MLIP: variants seen among roughly 807,000 people sequenced by gnomAD.
MLIP encodes the protein muscular LMNA interacting protein, also known as muscular LMNA-interacting protein.
In MLIP, 79 loss-of-function variants were observed where a neutral mutation model predicts 84.8. That is an observed-to-expected ratio of 0.93 (90% CI 0.78 to 1.12). The LOEUF is 1.12. Ranked by LOEUF, MLIP falls within the 50% of genes most tolerant of loss-of-function variation. The pLI is 0.00. For missense variants in MLIP, 1,257 were observed against 1,160.6 expected, an observed-to-expected ratio of 1.08 and a Z score of -1.21; for synonymous variants, 504 against 463.0, an observed-to-expected ratio of 1.09 and a Z score of -1.14.
intron 11 of MLIP, among the ~76,000 whole-genome samples, chr6:54,205,209 A>G (rs1778955387): frequency 6.6e-6 from 1 of 152,250 alleles, no homozygotes; most frequent in South Asian, 2.1e-4. Flanking sequence ...AATAAAATGT[A>G]TAATCTCAGC....
chr6:54,128,832 A>C (rs186358446), intron 3 of MLIP, among the ~76,000 whole-genome samples: 5 of 152,300 alleles, frequency 3.3e-5, no homozygotes, highest in Non-Finnish European at 5.9e-5. Context: ...ATTAAATGAG[A>C]TAATACATGT....
chr6:54,256,954 G>A (rs1783046967), intron 12 of MLIP, among the ~76,000 whole-genome samples: 2 of 152,006 alleles, frequency 1.3e-5, no homozygotes, highest in Admixed American at 1.3e-4. Context: ...GAGAGGTGAA[G>A]CATAAATTTA....
At chr6:54,142,375 G>A (rs1283451280) in intron 4 of MLIP, among the ~76,000 whole-genome samples, 1 of 152,160 alleles carries the variant, frequency 6.6e-6, no homozygotes, top group Admixed American at 6.6e-5. Context: ...TGATTCTCAA[G>A]GGAAATAGAG....
chr6:54,149,259 T>G (rs1285287683), intron 5 of MLIP, 132 bp downstream of exon 5: 2 of 787,346 alleles, frequency 2.5e-6, no homozygotes, highest in African/African-American at 3.5e-5. Context: ...ATTCTTAGTT[T>G]AGGATGATGT....
intron 1 of MLIP, among the ~76,000 whole-genome samples, chr6:54,097,415 A>T (rs1443610761): frequency 6.6e-6 from 1 of 152,198 alleles, no homozygotes; most frequent in Non-Finnish European, 1.5e-5. Context: ...TTACATAGCC[A>T]TACGTACTAG....
intron 3 of MLIP, among the ~76,000 whole-genome samples, chr6:54,128,394 A>G (rs1771102759): frequency 1.3e-5 from 2 of 152,196 alleles, no homozygotes; most frequent in African/African-American, 4.8e-5. Flanking sequence ...AAAAGCACCT[A>G]TGAAAAAAGA....
At chr6:54,230,223 G>T (rs982514215) in intron 11 of MLIP, among the ~76,000 whole-genome samples, 1 of 151,998 alleles carries the variant, frequency 6.6e-6, no homozygotes, top group Non-Finnish European at 1.5e-5. Flanking sequence ...GAAACTTATT[G>T]TGTCATGAAC....
chr6:54,192,872 G>A (rs553626893), intron 10 of MLIP, among the ~76,000 whole-genome samples: 1 of 152,164 alleles, frequency 6.6e-6, no homozygotes, highest in Non-Finnish European at 1.5e-5. Flanking sequence ...GGAGGTAAAT[G>A]TAGTAAATGT....
In MLIP at chr6:54,068,178, C is replaced by T. The variant is rs1449201731; in HGVS notation, c.63+49087C>T. Among the ~76,000 whole-genome samples the T allele has an allele frequency of 2.3e-5, 2 of 88,172 alleles. 1 individual carries two copies. Among genetic ancestry groups the T allele is most frequent in the African/African-American group, 5.5e-5 (2 of 36,394 alleles). 57.8% of individuals were successfully genotyped at this position (88,172 alleles called of 152,430 possible). A position where few individuals can be genotyped will look rare whatever the true frequency, so the allele number is the denominator to read the frequency against. On this transcript the variant is annotated intron_variant, in intron 1 of 12. Coordinates refer to the MLIP transcript ENST00000274897. ...TTTTGACTGAGTCTCCTTCCATCAC[C>T]CAGGCTGGAATACAGTGGCATAATC...
chr6:54,142,150 C>A lies in MLIP; in HGVS notation c.2217+3864C>A, dbSNP rs1402277678. Reference sequence around the variant, plus strand: ...ATAAAATAGTTAATCTGGGTTCAAGCAAATCAGTCATTCAATAAATATGTA... The same window carrying A: ...ATAAAATAGTTAATCTGGGTTCAAGAAAATCAGTCATTCAATAAATATGTA... On this transcript the variant is annotated intron_variant, in intron 4 of 13. Coordinates refer to ENST00000502396, the MANE Select transcript of MLIP (RefSeq NM_001281747.2). 2.6e-5 allele frequency among the ~76,000 whole-genome samples: 4 copies of A among 152,270 alleles called. No individual in the cohort carries two copies. In the South Asian group the frequency reaches 6.2e-4, roughly 24 times the overall value.
chr6:54,216,896 G>A, intron 11 of MLIP: 3 of 985,108 alleles, frequency 3.0e-6, no homozygotes, highest in Non-Finnish European at 3.6e-6. Flanking sequence ...GTAAAGTGTT[G>A]GTGTCTTTAG....
At chr6:54,145,010 G>T (rs768528540) in intron 4 of MLIP, among the ~76,000 whole-genome samples, 1 of 152,134 alleles carries the variant, frequency 6.6e-6, no homozygotes, top group Non-Finnish European at 1.5e-5. Context: ...ATGCCATTTT[G>T]TTTTCCAAAC....
At chr6:54,040,735 TA>T (rs1036961369) in intron 1 of MLIP, among the ~76,000 whole-genome samples, 10 of 152,096 alleles carry the variant, frequency 6.6e-5, no homozygotes, top group African/African-American at 2.4e-4. Flanking sequence ...TATGCAGCCA[TA>T]AAAAAGATAG....
chr6:54,097,211 C>T (rs1197506838), intron 1 of MLIP, among the ~76,000 whole-genome samples: 1 of 152,154 alleles, frequency 6.6e-6, no homozygotes, highest in Non-Finnish European at 1.5e-5. Flanking sequence ...TTTGAGATCT[C>T]TTCTTGCCAA....
chr6:54,163,349 G>A (rs1365842828), intron 8 of MLIP, among the ~76,000 whole-genome samples: 2 of 151,590 alleles, frequency 1.3e-5, no homozygotes, highest in Non-Finnish European at 2.9e-5. Context: ...GGGACTTTAA[G>A]CCATTTATAA....
intron 11 of MLIP, chr6:54,217,141 C>G (rs1779908780): frequency 3.3e-5 from 33 of 985,290 alleles, no homozygotes; most frequent in Non-Finnish European, 4.0e-5. Context: ...GTAATTTTAC[C>G]TATGGTACTC....
At chr6:54,057,237 C>T (rs191038167) in intron 1 of MLIP, among the ~76,000 whole-genome samples, 2 of 152,184 alleles carry the variant, frequency 1.3e-5, no homozygotes, top group African/African-American at 4.8e-5. Flanking sequence ...CAACACATAA[C>T]AATTCCATAT....
intron 12 of MLIP, among the ~76,000 whole-genome samples, chr6:54,254,290 C>A (rs921283303): frequency 6.6e-6 from 1 of 151,738 alleles, no homozygotes; most frequent in African/African-American, 2.4e-5. Flanking sequence ...CCATGCCCAG[C>A]TAATTTTTGT....
intron 12 of MLIP, among the ~76,000 whole-genome samples, chr6:54,244,836 G>A (rs74563456): frequency 0.026 from 3,961 of 152,194 alleles, 164 homozygotes; most frequent in African/African-American, 0.091. Context: ...CTCATGTGTT[G>A]TCTGCCATTG....
Sources: allele counts gnomAD v4.1 joint callset (sites outside exome capture counted in the v4.1 genomes callset), GRCh38; gene constraint gnomAD v4.1.1; transcripts MANE v1.5; gene names NCBI Gene and HGNC (gene_info 2026-07-23, HGNC 2026-07-21).